The following LRRC7 variants were observed in gnomAD, a reference collection of about 807,000 sequenced individuals.
LRRC7 encodes leucine rich repeat containing 7.
In LRRC7, 23 loss-of-function variants were observed where a neutral mutation model predicts 175.7. That is an observed-to-expected ratio of 0.13 (90% CI 0.09 to 0.19). The LOEUF (loss-of-function observed/expected upper bound fraction) is 0.19. LRRC7 is among the 10% of genes least tolerant of loss of function. The pLI is 1.00. For synonymous variants in LRRC7, 685 were observed against 680.9 expected (o/e 1.01, Z -0.09); for missense variants, 1,354 against 1,904.7 (o/e 0.71, Z 5.38).
chr1:70,018,736 T>G lies in LRRC7; in HGVS notation c.1338T>G (p.Pro446=). ...LSDNQSKALI[P]LQTEAHPETK... ...GCTTCTAGTCCAAAGCCCTTATCCCTTTACAAACAGAAGCCCATCCAGAAA... is the reference window on the plus strand; with the variant it reads ...GCTTCTAGTCCAAAGCCCTTATCCCGTTACAAACAGAAGCCCATCCAGAAA... The change falls in exon 15 of 27, where the codon CCT becomes CCG. Residue 446 remains proline (P), a synonymous_variant. Transcript: ENST00000651989. 1.2e-6 allele frequency: 2 copies of G among 1,612,400 alleles called. No individual in the cohort carries two copies. The highest frequency in any genetic ancestry group is 2.2e-5 in the East Asian group (1 of 44,708).
chr1:69,856,183 T>G (rs905879996), intron 7 of LRRC7, among the ~76,000 whole-genome samples: 4 of 152,182 alleles, frequency 2.6e-5, no homozygotes, highest in African/African-American at 9.6e-5. Context: ...GTTAGCTGGT[T>G]ATTTTGCTTA....
rs189846359 is a variant in LRRC7 at position 69,892,979 on chromosome 1, A to G, written c.648-38528A>G. Among the ~76,000 whole-genome samples the G allele has an allele frequency of 9.0e-4, 137 of 152,312 alleles. 1 individual carries two copies. Among genetic ancestry groups the G allele is most frequent in the Non-Finnish European group, 3.5e-4 (24 of 68,028 alleles). ...CTCCAAGGCACTTGATTAAGAATCA[A>G]ATTATATTAATGTTTCTTGTGAATG... On this transcript the variant is annotated intron_variant, in intron 7 of 26. Coordinates refer to ENST00000651989, the MANE Select transcript of LRRC7 (RefSeq NM_001370785.2).
At chr1:69,996,290 A>T (rs924949790) in intron 11 of LRRC7, among the ~76,000 whole-genome samples, 4 of 152,074 alleles carry the variant, frequency 2.6e-5, no homozygotes, top group African/African-American at 9.7e-5. Flanking sequence ...TTCATTGTAG[A>T]TTCTGGATAT....
At chr1:69,979,534 T>C (rs890668322) in intron 8 of LRRC7, among the ~76,000 whole-genome samples, 1 of 152,188 alleles carries the variant, frequency 6.6e-6, no homozygotes, top group South Asian at 2.1e-4. Flanking sequence ...TTCTCCTATA[T>C]GCTGCCTTGG....
chr1:69,639,525 C>T (rs922754107), intron 1 of LRRC7, among the ~76,000 whole-genome samples: 3 of 151,746 alleles, frequency 2.0e-5, no homozygotes, highest in African/African-American at 7.2e-5. Flanking sequence ...TATGAAAGGA[C>T]TCTGAATGTT....
chr1:69,919,606 G>A, intron 7 of LRRC7: 1 of 827,274 alleles, frequency 1.2e-6, no homozygotes, highest in Non-Finnish European at 2.1e-6. Context: ...AGGAGGCCCT[G>A]GAGCTGATCA....
At chr1:69,902,458 C>T (rs1646162080) in intron 7 of LRRC7, among the ~76,000 whole-genome samples, 1 of 152,048 alleles carries the variant, frequency 6.6e-6, no homozygotes, top group African/African-American at 2.4e-5. Context: ...GTAGTCCCGG[C>T]TACTCAAGAG....
chr1:69,719,289 A>T, intron 2 of LRRC7, among the ~76,000 whole-genome samples: 1 of 151,744 alleles, frequency 6.6e-6, no homozygotes, highest in Admixed American at 6.6e-5. Flanking sequence ...TAGACTAGGT[A>T]CTCATAAGTA....
At chr1:69,970,702 A>G (rs549184400) in intron 8 of LRRC7, among the ~76,000 whole-genome samples, 17 of 152,310 alleles carry the variant, frequency 1.1e-4, no homozygotes, top group Admixed American at 1.1e-3. Flanking sequence ...CCAGACATTC[A>G]AAGAAGAATT....
intron 2 of LRRC7, among the ~76,000 whole-genome samples, chr1:69,739,197 C>A (rs1485749678): frequency 2.6e-5 from 4 of 152,032 alleles, no homozygotes; most frequent in African/African-American, 9.7e-5. Context: ...TCCATATATT[C>A]TTCTCTGACT....
intron 23 of LRRC7, among the ~76,000 whole-genome samples, chr1:70,055,515 TAAAG>T (rs2102069096): frequency 6.6e-6 from 1 of 152,238 alleles, no homozygotes; most frequent in South Asian, 2.1e-4. Context: ...CACATTGCTA[TAAAG>T]AACTACCTGA....
chr1:70,076,229 G>A lies in LRRC7; in HGVS notation c.4383G>A (p.Arg1461=). 2 of 1,614,024 alleles carry A rather than the reference G, an allele frequency of 1.2e-6. No homozygotes were observed. The highest frequency in any genetic ancestry group is 1.7e-6 in the Non-Finnish European group (2 of 1,179,972). ...AGATCCCCTCTTCACAGGCCACCCG[G>A]GGACCTCAGCCTGGACGGTGCTTAA... The part of the protein sequence containing the change: ...PIQIPSSQAT[R]GPQPGRCLIQ... The change falls in exon 24 of 27, where the codon CGG becomes CGA. Residue 1461 remains arginine, a synonymous_variant. Transcript: ENST00000651989.
chr1:70,023,985 TGGG>T (rs1227938131), intron 17 of LRRC7, among the ~76,000 whole-genome samples: 1 of 151,822 alleles, frequency 6.6e-6, no homozygotes, highest in Non-Finnish European at 1.5e-5. Context: ...AAGAGGTTAA[TGGG>T]GGGAAAAACA....
At chr1:69,984,290 G>A (rs1269263259) in intron 9 of LRRC7, among the ~76,000 whole-genome samples, 1 of 151,964 alleles carries the variant, frequency 6.6e-6, no homozygotes. Context: ...ACACATTTTG[G>A]GTAGCAAAAA....
At chr1:69,741,755 T>G (rs1668735521) in intron 2 of LRRC7, among the ~76,000 whole-genome samples, 1 of 151,970 alleles carries the variant, frequency 6.6e-6, no homozygotes, top group Non-Finnish European at 1.5e-5. Flanking sequence ...ATTTATTCAC[T>G]GGATTTTTTT....
intron 15 of LRRC7, 47 bp downstream of exon 15, chr1:70,018,865 T>C (rs772289889): frequency 4.3e-6 from 6 of 1,386,734 alleles, no homozygotes; most frequent in South Asian, 1.2e-5. Context: ...TGATTATGGA[T>C]AGAAATAACT....
intron 1 of LRRC7, among the ~76,000 whole-genome samples, chr1:69,627,603 CT>C (rs1156489242): frequency 6.6e-6 from 1 of 152,074 alleles, no homozygotes; most frequent in African/African-American, 2.4e-5. Context: ...TTAATTTTGA[CT>C]TTTTTTGCCA....
chr1:69,843,331 A>AT (rs941256756), intron 7 of LRRC7, among the ~76,000 whole-genome samples: 1 of 152,068 alleles, frequency 6.6e-6, no homozygotes, highest in African/African-American at 2.4e-5. Context: ...ATTGAAGAAG[A>AT]TTTTTTTAAG....
At chr1:70,051,967 C>T (rs1262538443) in intron 22 of LRRC7, among the ~76,000 whole-genome samples, 1 of 152,012 alleles carries the variant, frequency 6.6e-6, no homozygotes, top group East Asian at 1.9e-4. Flanking sequence ...GCCCAGTTCT[C>T]CCTTTCTAGG....
Sources: allele counts gnomAD v4.1 joint callset (sites outside exome capture counted in the v4.1 genomes callset), GRCh38; gene constraint gnomAD v4.1.1; transcripts MANE v1.5; gene names NCBI Gene and HGNC (gene_info 2026-07-23, HGNC 2026-07-21).